The following UTP20 variants were observed in gnomAD, a reference collection of about 807,000 sequenced individuals.
The protein encoded by UTP20 is small subunit processome component 20 homolog.
In UTP20, 164 loss-of-function variants were observed where a neutral mutation model predicts 329.5. The ratio of observed to expected loss-of-function variants is 0.50; its 90% CI spans 0.44 to 0.57. The LOEUF (loss-of-function observed/expected upper bound fraction) is 0.57, where lower values mean the gene tolerates loss of function less well. UTP20 is among the 20% of genes least tolerant of loss of function. UTP20 has a pLI of 0.00. For missense variants in UTP20, 3,055 were observed against 3,284.2 expected (o/e 0.93, Z 1.71); for synonymous variants, 1,151 against 1,159.3 (o/e 0.99, Z 0.14).
In UTP20 at chr12:101,285,729, T is replaced by A. The variant is rs563035762; in HGVS notation, c.194-20T>A. 6.3e-7 allele frequency: 1 copy of A among 1,593,532 alleles called. No individual in the cohort carries two copies. The highest frequency in any genetic ancestry group is 8.6e-7 in the Non-Finnish European group (1 of 1,167,594). ...TAGTGGTGTGATAGAAAAGAACATA[T>A]TTTTTTTTCCCCCACTCAGGAAAAT... On this transcript the variant is annotated intron_variant, in intron 3 of 61. Transcript: ENST00000261637.
intron 29 of UTP20, among the ~76,000 whole-genome samples, chr12:101,337,457 T>G (rs944703091): frequency 6.6e-6 from 1 of 152,238 alleles, no homozygotes; most frequent in Non-Finnish European, 1.5e-5. Flanking sequence ...TCTCTGCCCT[T>G]GTTGGTGCAT....
rs142874318 is a variant in UTP20, at chr12:101,366,539, C to T, written c.6126-19C>T. 8,106 of 1,605,594 alleles carry T rather than the reference C, an allele frequency of 5.0e-3. 28 individuals carry two copies. The highest frequency in any genetic ancestry group is 8.3e-3 in the Middle Eastern group (50 of 6,016). On this transcript the variant is annotated intron_variant, in intron 46 of 61. Coordinates refer to ENST00000261637, the MANE Select transcript of UTP20 (RefSeq NM_014503.3). ...CTGACAGTGTTCTTTACCCTCTTCT[C>T]ATGCCACGTGATTGACAGAAATCCA... is the stretch of plus-strand genomic sequence containing the variant.
In UTP20 at chr12:101,379,537, A is replaced by G; in HGVS notation, c.7563A>G (p.Leu2521=). 1 of 1,613,082 alleles carries G rather than the reference A, an allele frequency of 6.2e-7. No homozygotes were observed. The highest frequency in any genetic ancestry group is 8.5e-7 in the Non-Finnish European group (1 of 1,179,416). The change falls in exon 57 of 62, where the codon CTA becomes CTG. Residue 2521 remains leucine (L), a synonymous_variant. Coordinates refer to ENST00000261637, the MANE Select transcript of UTP20 (RefSeq NM_014503.3). ...CAGAACCTGTAGCAATCAAGTTCCTAGCCAGTGACCTTGACCAAAAGGTAA... is the reference window on the plus strand; with the variant it reads ...CAGAACCTGTAGCAATCAAGTTCCTGGCCAGTGACCTTGACCAAAAGGTAA... The part of the protein sequence containing the change: ...HLPEPVAIKF[L]ASDLDQKMKS...
intron 60 of UTP20, among the ~76,000 whole-genome samples, 172 bp downstream of exon 60, chr12:101,383,841 T>TAC (rs375117313): frequency 0.045 from 5,402 of 121,092 alleles, 268 homozygotes; most frequent in African/African-American, 0.12. Context: ...TTTATATATA[T>TAC]ACACACACAC....
Position 101,329,412 on chromosome 12 carries a change from C to T in UTP20, c.3380C>T (p.Thr1127Ile), listed in dbSNP as rs1868679978. 6.2e-7 allele frequency: 1 copy of T among 1,613,892 alleles called. No homozygotes were observed. The highest frequency in any genetic ancestry group is 8.5e-7 in the Non-Finnish European group (1 of 1,179,840). Residue 1127 changes from threonine to isoleucine, a missense_variant, in exon 27 of 62, where the codon ACA becomes ATA. Transcript: ENST00000261637. The stretch of plus-strand genomic sequence containing the variant: ...ATTTTGCAGATACTGCTCTGTATGA[C>T]AGCAACCGTATCACACATCCTTGAC... ...PKILQILLCM[T>I]ATVSHILDQR...
At chr12:101,364,048 C>A (rs1870017145) in intron 45 of UTP20, among the ~76,000 whole-genome samples, 1 of 152,150 alleles carries the variant, frequency 6.6e-6, no homozygotes, top group Non-Finnish European at 1.5e-5. Context: ...TAGTGCTTAT[C>A]TTTGAGGTTG....
chr12:101,374,825 T>C lies in UTP20; in HGVS notation c.7149T>C (p.Leu2383=), dbSNP rs1224154389. ...TTTGGTAGCGCTTAAATAGACAACTTGCTGCCCTGATCTGTGGCTTGTTTG... is the reference window on the plus strand; with the variant it reads ...TTTGGTAGCGCTTAAATAGACAACTCGCTGCCCTGATCTGTGGCTTGTTTG... The part of the protein sequence containing the change: ...FGAKKRLNRQ[L]AALICGLFVE... Residue 2383 remains leucine, a synonymous_variant, in exon 55 of 62, where the codon CTT becomes CTC. Coordinates refer to ENST00000261637, the MANE Select transcript of UTP20 (RefSeq NM_014503.3). 8.6e-7 allele frequency: 1 copy of C among 1,164,998 alleles called. No individual in the cohort carries two copies. Among genetic ancestry groups the C allele is most frequent in the Admixed American group, 1.7e-5 (1 of 59,508 alleles). 72.2% of individuals were successfully genotyped at this position (1,164,998 alleles called of 1,614,324 possible).
chr12:101,356,948 C>T lies in UTP20; in HGVS notation c.5557C>T (p.Leu1853=), dbSNP rs1565803282. The change falls in exon 43 of 62, where the codon CTA becomes TTA. Residue 1853 remains leucine, a synonymous_variant. Transcript: ENST00000261637. ...LPSILLKVCA[L]LKNRAQEIRD... is the part of the protein sequence containing the mutation. ...TAGTATTTTGCTGAAAGTGTGTGCCCTACTCAAGAACAGAGCCCAAGAAAT... is the reference window on the plus strand; with the variant it reads ...TAGTATTTTGCTGAAAGTGTGTGCCTTACTCAAGAACAGAGCCCAAGAAAT... 1 of 1,611,848 alleles carries T rather than the reference C, an allele frequency of 6.2e-7. No individual in the cohort carries two copies. Among genetic ancestry groups the T allele is most frequent in the Non-Finnish European group, 8.5e-7 (1 of 1,179,580 alleles).
At chr12:101,302,224 A>G (rs1593423499) in intron 14 of UTP20, among the ~76,000 whole-genome samples, 1 of 152,144 alleles carries the variant, frequency 6.6e-6, no homozygotes, top group African/African-American at 2.4e-5. Context: ...AGCCACCATG[A>G]CCAGCCTGTA....
chr12:101,327,946 C>G (rs12320107), intron 26 of UTP20, among the ~76,000 whole-genome samples: 1 of 152,138 alleles, frequency 6.6e-6, no homozygotes, highest in African/African-American at 2.4e-5. Context: ...CCCCATTTTA[C>G]ACATGGGGAA....
rs536720466 is a variant in UTP20, at chr12:101,316,988, A to G, written c.2553-490A>G. Among the ~76,000 whole-genome samples, 151 of 152,328 alleles carry G rather than the reference A, an allele frequency of 9.9e-4. 1 individual carries two copies. The highest frequency in any genetic ancestry group is 3.5e-3 in the African/African-American group (144 of 41,588). ...TTTGTCATGTTGTGGCTGCTCAAAA[A>G]AGTTCTGGAGATGGTAGTTCCATCT... On this transcript the variant is annotated intron_variant, in intron 21 of 61. Transcript: ENST00000261637.
Position 101,369,698 on chromosome 12 carries a change from GTGTTT to G in UTP20, c.6385-11_6385-7del, listed in dbSNP as rs531223340. The G allele has an allele frequency of 1.5e-4, 197 of 1,284,886 alleles. No individual in the cohort carries two copies. In the African/African-American group the frequency reaches 2.4e-3, roughly 16 times the overall value. The allele number at this position is 1,284,886 out of a possible 1,614,324, so 79.6% of individuals were successfully genotyped here. On this transcript the variant is annotated intron_variant, in intron 48 of 61. Coordinates refer to ENST00000261637, the MANE Select transcript of UTP20 (RefSeq NM_014503.3). ...GATTCGGTCACATCACAAGTTGGTG[GTGTTT>G]TGTTTTGTTTTTTTCAGGTGATCAC...
chr12:101,291,620 A>G lies in UTP20; in HGVS notation c.892-122A>G, dbSNP rs546902495. ...TGTTATCGTTAGTGAGTCCTGGTAA[A>G]TGTATCTTTTTCTTCCAAAGCAAGA... On this transcript the variant is annotated intron_variant, in intron 8 of 61. Transcript: ENST00000261637. 3.7e-3 allele frequency: 3,702 copies of G among 990,726 alleles called. 19 individuals are homozygous for G. Among genetic ancestry groups the G allele is most frequent in the Non-Finnish European group, 4.7e-3 (3,347 of 717,980 alleles). 61.4% of individuals were successfully genotyped at this position (990,726 alleles called of 1,614,324 possible).
intron 43 of UTP20, among the ~76,000 whole-genome samples, chr12:101,358,062 T>C (rs1396385451): frequency 2.6e-5 from 4 of 152,214 alleles, no homozygotes; most frequent in Non-Finnish European, 5.9e-5. Context: ...GTCGACGTGA[T>C]TAAGACTCCT....
intron 10 of UTP20, 69 bp from the exon 11 acceptor site, chr12:101,293,099 C>T: frequency 6.7e-7 from 1 of 1,490,970 alleles, no homozygotes; most frequent in Non-Finnish European, 9.3e-7. Context: ...CCTTCTATAG[C>T]TGCTTGCTGG....
At chr12:101,350,207 C>G (rs1188970562) in intron 38 of UTP20, among the ~76,000 whole-genome samples, 1 of 152,148 alleles carries the variant, frequency 6.6e-6, no homozygotes. Context: ...CGCTCTGTCT[C>G]CCAGGCTGGA....
At chr12:101,328,932 A>T (rs547394792) in intron 26 of UTP20, among the ~76,000 whole-genome samples, 90 of 151,638 alleles carry the variant, frequency 5.9e-4, no homozygotes, top group Non-Finnish European at 1.3e-4. Flanking sequence ...GTTTTGAGGG[A>T]TAGTGTAAAG....
chr12:101,302,760 G>C (rs905976099), intron 15 of UTP20, among the ~76,000 whole-genome samples: 19 of 152,164 alleles, frequency 1.2e-4, no homozygotes, highest in African/African-American at 4.1e-4. Flanking sequence ...CTTTGTAAAG[G>C]GTGTTTTATT....
intron 46 of UTP20, 33 bp from the exon 47 acceptor site, chr12:101,366,525 C>G: frequency 6.3e-7 from 1 of 1,595,258 alleles, no homozygotes; most frequent in Non-Finnish European, 8.5e-7. Flanking sequence ...TGACAGTGTT[C>G]TTTACCCTCT....
Sources: gnomAD v4.1 joint callset for allele counts (sites outside exome capture counted in the v4.1 genomes callset) on GRCh38, gnomAD v4.1.1 for gene constraint, MANE v1.5 for transcripts, NCBI Gene and HGNC (gene_info 2026-07-23, HGNC 2026-07-21) for gene names.